ENTREP1: variants seen among roughly 807,000 people sequenced by gnomAD.
ENTREP1 encodes Friedreich ataxia region gene X123.
At chr9:69,358,962 A>C in the ENTREP1 span, among the ~76,000 whole-genome samples, 1 of 138,530 alleles carries the variant, frequency 7.2e-6, no homozygotes, top group South Asian at 2.2e-4. Context: ...GGAGTGCAGC[A>C]GCACGATCTC....
chr9:69,384,734 C>T, the ENTREP1 span, among the ~76,000 whole-genome samples: 1 of 152,090 alleles, frequency 6.6e-6, no homozygotes, highest in Admixed American at 6.5e-5. Context: ...AGGACAAAAT[C>T]ACAATGGTGA....
chr9:69,345,565 TA>T, the ENTREP1 span, among the ~76,000 whole-genome samples: 1 of 152,176 alleles, frequency 6.6e-6, no homozygotes, highest in Middle Eastern at 3.2e-3. Context: ...TATTTTTTAT[TA>T]AAAAAATGGG....
chr9:69,343,447 TG>T, the ENTREP1 span, among the ~76,000 whole-genome samples: 2 of 152,084 alleles, frequency 1.3e-5, no homozygotes, highest in Non-Finnish European at 1.5e-5. Context: ...GCTGGATGAT[TG>T]TTTTTTTTGA....
At chr9:69,379,919 T>C in the ENTREP1 span, 1 of 152,278 alleles carries the variant, frequency 6.6e-6, no homozygotes, top group African/African-American at 2.4e-5. Context: ...ATAATGCTCA[T>C]CACTGCAGAT....
the ENTREP1 span, among the ~76,000 whole-genome samples, chr9:69,354,628 G>A: frequency 2.0e-5 from 3 of 152,176 alleles, no homozygotes; most frequent in Non-Finnish European, 2.9e-5. Flanking sequence ...CCATGGTGCT[G>A]TTCAATATAT....
At chr9:69,332,646 T>C in the ENTREP1 span, among the ~76,000 whole-genome samples, 1 of 152,238 alleles carries the variant, frequency 6.6e-6, no homozygotes, top group Non-Finnish European at 1.5e-5. Flanking sequence ...GTTGCTACCA[T>C]ATGCAAACAA....
At chr9:69,369,679 A>C in the ENTREP1 span, among the ~76,000 whole-genome samples, 3 of 151,808 alleles carry the variant, frequency 2.0e-5, no homozygotes, top group Non-Finnish European at 2.9e-5. Flanking sequence ...TGAGAGTCCA[A>C]GTGTTCCTCA....
At chr9:69,367,609 A>ATATATACACACATATATATAAATATG in the ENTREP1 span, among the ~76,000 whole-genome samples, 2 of 143,846 alleles carry the variant, frequency 1.4e-5, no homozygotes, top group African/African-American at 5.1e-5. Context: ...TTATATATAT[A>ATATATACACACATATATATAAATATG]TATATACACA....
the ENTREP1 span, among the ~76,000 whole-genome samples, chr9:69,334,090 T>C: frequency 6.6e-6 from 1 of 152,188 alleles, no homozygotes; most frequent in Non-Finnish European, 1.5e-5. Context: ...CAAGGTCTCA[T>C]AGTTAAGTCT....
At chr9:69,360,898 CAA>C in the ENTREP1 span, among the ~76,000 whole-genome samples, 20 of 149,782 alleles carry the variant, frequency 1.3e-4, no homozygotes, top group South Asian at 4.2e-4. Flanking sequence ...ATGTAAATTG[CAA>C]AAAAAAAAAG....
chr9:69,337,957 T>G, the ENTREP1 span, among the ~76,000 whole-genome samples: 2 of 152,204 alleles, frequency 1.3e-5, no homozygotes, highest in Non-Finnish European at 2.9e-5. Flanking sequence ...AATTTTTAAA[T>G]ACATAGAGAA....
chr9:69,326,568 G>T, the ENTREP1 span, among the ~76,000 whole-genome samples: 1 of 151,966 alleles, frequency 6.6e-6, no homozygotes. Context: ...ATGGACACCG[G>T]GTGGCCACTC....
chr9:69,354,410 A>G, the ENTREP1 span, among the ~76,000 whole-genome samples: 1 of 152,004 alleles, frequency 6.6e-6, no homozygotes, highest in Admixed American at 6.6e-5. Flanking sequence ...GGTGCCCACC[A>G]CCAGGCCCAG....
the ENTREP1 span, chr9:69,383,415 G>A: frequency 2.6e-5 from 36 of 1,392,612 alleles, no homozygotes; most frequent in Middle Eastern, 2.5e-3. Context: ...CAATGATGGG[G>A]TTGCATTTTA....
At chr9:69,378,489 G>A in the ENTREP1 span, among the ~76,000 whole-genome samples, 16 of 152,006 alleles carry the variant, frequency 1.1e-4, no homozygotes, top group East Asian at 9.7e-4. Context: ...TCATTTAGGC[G>A]CGGCGTGGTG....
the ENTREP1 span, among the ~76,000 whole-genome samples, chr9:69,343,892 T>C: frequency 4.5e-3 from 680 of 152,342 alleles, 6 homozygotes; most frequent in African/African-American, 0.016. Flanking sequence ...ATATGAATTC[T>C]TTACTATTCT....
the ENTREP1 span, among the ~76,000 whole-genome samples, chr9:69,368,475 T>A: frequency 0.81 from 123,113 of 152,152 alleles, 49,851 homozygotes; most frequent in South Asian, 0.87. Flanking sequence ...GGCATGTTGA[T>A]CTATCCTTGC....
At chr9:69,336,152 C>A in the ENTREP1 span, 1 of 849,928 alleles carries the variant, frequency 1.2e-6, no homozygotes. Context: ...ACTTTTGTGA[C>A]TGAGGATTTG....
At chr9:69,361,163 G>A in the ENTREP1 span, among the ~76,000 whole-genome samples, 129,425 of 152,102 alleles carry the variant, frequency 0.85, 55,516 homozygotes, top group African/African-American at 0.96. Context: ...ACCATGCACA[G>A]ATCTTAAATG....
Sources: gnomAD v4.1 joint callset for allele counts (sites outside exome capture counted in the v4.1 genomes callset) on GRCh38, gnomAD v4.1.1 for gene constraint, MANE v1.5 for transcripts, NCBI Gene and HGNC (gene_info 2026-07-23, HGNC 2026-07-21) for gene names.